Variants in PRELID2 observed in about 807,000 individuals in gnomAD.
PRELID2 encodes the protein PRELI domain-containing protein 2.
In PRELID2, 25 loss-of-function variants were observed where a neutral mutation model predicts 28.4. That is an observed-to-expected ratio of 0.88 (90% confidence interval 0.64 to 1.23). The LOEUF is 1.23. Ranked by LOEUF, PRELID2 falls within the 50% of genes most tolerant of loss-of-function variation. The probability of loss-of-function intolerance (pLI) is 0.00; values close to 1 mark genes in which losing one functional copy is unlikely to be tolerated. For missense variants in PRELID2, 201 were observed against 214.4 expected (o/e 0.94, Z 0.39); for synonymous variants, 76 against 71.6 (o/e 1.06, Z -0.31).
At chr5:145,690,375 C>T (rs1435874386) in intron 1 of PRELID2, among the ~76,000 whole-genome samples, 1 of 152,064 alleles carries the variant, frequency 6.6e-6, no homozygotes, top group Admixed American at 6.5e-5. Context: ...AGCCTTGAGC[C>T]AATCAGAACG....
intron 1 of PRELID2, among the ~76,000 whole-genome samples, chr5:145,673,526 G>A (rs925142994): frequency 1.3e-5 from 2 of 152,034 alleles, no homozygotes; most frequent in African/African-American, 2.4e-5. Flanking sequence ...TAAACCCATA[G>A]TGAAACATTA....
At chr5:145,683,754 G>A (rs974763343) in intron 1 of PRELID2, among the ~76,000 whole-genome samples, 1 of 152,166 alleles carries the variant, frequency 6.6e-6, no homozygotes, top group Non-Finnish European at 1.5e-5. Context: ...AATTGTAGGA[G>A]AGAGGGAGAA....
At chr5:145,635,879 G>A (rs771182139) in intron 1 of PRELID2, among the ~76,000 whole-genome samples, 13 of 152,148 alleles carry the variant, frequency 8.5e-5, no homozygotes, top group Admixed American at 3.3e-4. Context: ...GACAACACTC[G>A]TCTCTACCTG....
At chr5:145,408,946 A>G in the PRELID2 span, among the ~76,000 whole-genome samples, 1 of 152,178 alleles carries the variant, frequency 6.6e-6, no homozygotes, top group South Asian at 2.1e-4. Flanking sequence ...GACAAAGGAA[A>G]TAATCTTAAG....
chr5:145,657,121 G>A (rs1021839784), intron 1 of PRELID2, among the ~76,000 whole-genome samples: 1 of 151,968 alleles, frequency 6.6e-6, no homozygotes, highest in Admixed American at 6.6e-5. Context: ...TTTTATTACT[G>A]GACTTGCTGG....
At chr5:145,321,236 T>TATTA in the PRELID2 span, among the ~76,000 whole-genome samples, 1 of 152,214 alleles carries the variant, frequency 6.6e-6, no homozygotes, top group African/African-American at 2.4e-5. Context: ...ATTCAAAGCC[T>TATTA]ATTACATACA....
the PRELID2 span, among the ~76,000 whole-genome samples, chr5:145,413,966 T>A: frequency 6.6e-6 from 1 of 152,212 alleles, no homozygotes; most frequent in Non-Finnish European, 1.5e-5. Flanking sequence ...ACATCTTAGC[T>A]ATTGTGAATA....
At chr5:145,349,354 T>C in the PRELID2 span, among the ~76,000 whole-genome samples, 1 of 152,202 alleles carries the variant, frequency 6.6e-6, no homozygotes, top group African/African-American at 2.4e-5. Flanking sequence ...CCATTATGGC[T>C]GCAAGAATTG....
the PRELID2 span, among the ~76,000 whole-genome samples, chr5:145,376,028 G>C: frequency 6.6e-6 from 1 of 152,152 alleles, no homozygotes; most frequent in Non-Finnish European, 1.5e-5. Context: ...TATGGGCTGT[G>C]GGTTTGTCAC....
At position 145,821,152 on chromosome 5, in the gene PRELID2, G is replaced by GGTGTGTGTGTGT. The variant is rs70998038; in HGVS notation, c.134-1146_134-1135dup. Reference sequence around the variant, plus strand: ...ACCTGATGGTCATCCAACTCTCCTGGGTGTGTGTGTGTGTGTGTGTGTGTG... The same window carrying GGTGTGTGTGTGT: ...ACCTGATGGTCATCCAACTCTCCTGGGTGTGTGTGTGTGTGTGTGTGTGTGTGTGTGTGTGTG... On this transcript the variant is annotated intron_variant, in intron 2 of 6. Coordinates refer to ENST00000683046, the MANE Select transcript of PRELID2 (RefSeq NM_205846.3). Among the ~76,000 whole-genome samples the GGTGTGTGTGTGT allele has an allele frequency of 5.9e-3, 525 of 88,250 alleles. 23 individuals are homozygous for GGTGTGTGTGTGT. The highest frequency in any genetic ancestry group is 0.014 in the Middle Eastern group (2 of 144). The allele number at this position is 88,250 out of a possible 152,430, so 57.9% of individuals were successfully genotyped here.
intron 1 of PRELID2, among the ~76,000 whole-genome samples, chr5:145,480,319 T>C (rs1203273076): frequency 1.3e-5 from 2 of 152,194 alleles, no homozygotes; most frequent in African/African-American, 4.8e-5. Flanking sequence ...CTTGCTGTGT[T>C]TTGGAGTGGG....
intron 1 of PRELID2, among the ~76,000 whole-genome samples, chr5:145,732,258 C>T (rs921090371): frequency 6.6e-6 from 1 of 152,152 alleles, no homozygotes; most frequent in Admixed American, 6.5e-5. Flanking sequence ...GAGCCTGTCT[C>T]CCATCTACTT....
At chr5:145,536,681 T>C (rs945531672) in intron 1 of PRELID2, among the ~76,000 whole-genome samples, 33 of 151,922 alleles carry the variant, frequency 2.2e-4, no homozygotes, top group African/African-American at 7.5e-4. Context: ...TCAAGGCAGT[T>C]AACTTAGTCC....
intron 1 of PRELID2, among the ~76,000 whole-genome samples, chr5:145,480,397 A>G (rs553047505): frequency 3.3e-5 from 5 of 152,276 alleles, no homozygotes; most frequent in South Asian, 2.1e-4. Context: ...AGAAGTATCA[A>G]TGATATACAG....
At chr5:145,484,009 C>A (rs1752190817) in intron 1 of PRELID2, among the ~76,000 whole-genome samples, 1 of 152,148 alleles carries the variant, frequency 6.6e-6, no homozygotes, top group Admixed American at 6.6e-5. Flanking sequence ...GATAAATCAT[C>A]AATGAAGCCT....
chr5:145,632,041 C>A (rs1241147075), intron 1 of PRELID2, among the ~76,000 whole-genome samples: 1 of 152,070 alleles, frequency 6.6e-6, no homozygotes. Context: ...AAGGGGAATG[C>A]CAAGGTAAAA....
At chr5:145,373,891 T>C in the PRELID2 span, among the ~76,000 whole-genome samples, 1 of 131,660 alleles carries the variant, frequency 7.6e-6, no homozygotes, top group African/African-American at 2.9e-5. Context: ...TATGATATTA[T>C]ATATTACAAC....
intron 1 of PRELID2, among the ~76,000 whole-genome samples, chr5:145,661,755 T>C (rs1299373849): frequency 6.6e-6 from 1 of 151,294 alleles, no homozygotes; most frequent in African/African-American, 2.4e-5. Flanking sequence ...TAAGTTATTC[T>C]AAACAGCATG....
chr5:145,494,544 A>G (rs1045538630), intron 1 of PRELID2, among the ~76,000 whole-genome samples: 1 of 152,188 alleles, frequency 6.6e-6, no homozygotes, highest in African/African-American at 2.4e-5. Flanking sequence ...GTTAATGGTA[A>G]CTGACATGTC....
Sources: gnomAD v4.1 joint callset for allele counts (sites outside exome capture counted in the v4.1 genomes callset) on GRCh38, gnomAD v4.1.1 for gene constraint, MANE v1.5 for transcripts, NCBI Gene and HGNC (gene_info 2026-07-23, HGNC 2026-07-21) for gene names.